The following INVS variants were observed in gnomAD, a reference collection of about 807,000 sequenced individuals.
INVS encodes inversin.
A neutral mutation model predicts 108.8 loss-of-function variants in INVS; 86 were observed. The observed-to-expected ratio is 0.79, with a 90% CI of 0.66 to 0.95. The LOEUF (loss-of-function observed/expected upper bound fraction) is 0.95, where lower values mean the gene tolerates loss of function less well. INVS is among the 40% of genes least tolerant of loss of function. INVS has a pLI of 0.00. For missense variants in INVS, 1,169 were observed against 1,297.4 expected (o/e 0.90, Z 1.52); for synonymous variants, 455 against 473.5 (o/e 0.96, Z 0.51).
intron 3 of INVS, among the ~76,000 whole-genome samples, chr9:100,181,943 G>A (rs1191803545): frequency 2.0e-5 from 3 of 152,020 alleles, no homozygotes; most frequent in African/African-American, 7.2e-5. Flanking sequence ...ACAGAATAGA[G>A]GCCTCAGAAA....
intron 2 of INVS, among the ~76,000 whole-genome samples, chr9:100,120,098 C>G (rs1475069860): frequency 1.3e-5 from 2 of 152,216 alleles, no homozygotes; most frequent in Admixed American, 1.3e-4. Flanking sequence ...ATTCATCTCA[C>G]TGACTTAGGT....
At chr9:100,298,473 T>C (rs1833855743) in intron 16 of INVS, 2 of 289,906 alleles carry the variant, frequency 6.9e-6, no homozygotes, top group Non-Finnish European at 1.0e-5. Context: ...CAGGGAACTT[T>C]CTTTTCAGCC....
intron 2 of INVS, among the ~76,000 whole-genome samples, chr9:100,106,583 A>C (rs1026674488): frequency 6.6e-6 from 1 of 152,198 alleles, no homozygotes; most frequent in Non-Finnish European, 1.5e-5. Flanking sequence ...AGATGGACCA[A>C]ACCTATCTTC....
At chr9:100,113,683 GA>G (rs2118849794) in intron 2 of INVS, among the ~76,000 whole-genome samples, 1 of 152,096 alleles carries the variant, frequency 6.6e-6, no homozygotes, top group Non-Finnish European at 1.5e-5. Context: ...ATGATCAAAT[GA>G]TGATATTTAG....
At chr9:100,176,635 C>A (rs149701717) in intron 3 of INVS, among the ~76,000 whole-genome samples, 5 of 152,182 alleles carry the variant, frequency 3.3e-5, no homozygotes, top group African/African-American at 9.6e-5. Context: ...TACCACCACA[C>A]CCAGCTATTT....
At chr9:100,100,673 T>TATATATATAATA (rs1826835322) in intron 1 of INVS, among the ~76,000 whole-genome samples, 1 of 19,356 alleles carries the variant, frequency 5.2e-5, no homozygotes, top group African/African-American at 4.5e-4. Context: ...ATTATATATG[T>TATATATATAATA]ACATATAATA....
chr9:100,227,239 C>A (rs1213810076), intron 4 of INVS, among the ~76,000 whole-genome samples: 2 of 152,158 alleles, frequency 1.3e-5, no homozygotes, highest in Non-Finnish European at 2.9e-5. Flanking sequence ...TTTTAAAAAT[C>A]TGCAGTTGTT....
chr9:100,300,210 T>C (rs891450469), intron 16 of INVS, among the ~76,000 whole-genome samples: 3 of 152,212 alleles, frequency 2.0e-5, no homozygotes, highest in Admixed American at 1.3e-4. Context: ...AGAACAACTA[T>C]TCAAAGTGTA....
intron 3 of INVS, among the ~76,000 whole-genome samples, chr9:100,161,199 A>T (rs753596290): frequency 1.6e-4 from 24 of 151,028 alleles, no homozygotes; most frequent in Non-Finnish European, 1.8e-4. Flanking sequence ...AACATGGTGA[A>T]ACTCTATCTG....
chr9:100,202,039 T>C (rs1830547331), intron 3 of INVS, among the ~76,000 whole-genome samples: 1 of 151,920 alleles, frequency 6.6e-6, no homozygotes, highest in African/African-American at 2.4e-5. Flanking sequence ...TTATAGAACA[T>C]TTCAGTTTCC....
At chr9:100,099,729 G>C (rs1401585711) in intron 1 of INVS, among the ~76,000 whole-genome samples, 1 of 152,156 alleles carries the variant, frequency 6.6e-6, no homozygotes, top group African/African-American at 2.4e-5. Context: ...TGCTGCTAAG[G>C]CGTGGATCGC....
At chr9:100,166,559 C>T (rs889803465) in intron 3 of INVS, among the ~76,000 whole-genome samples, 3 of 152,138 alleles carry the variant, frequency 2.0e-5, no homozygotes, top group African/African-American at 2.4e-5. Context: ...TGCTGCAAGG[C>T]GTAGCATTTT....
At chr9:100,256,829 C>T (rs193069022) in intron 10 of INVS, among the ~76,000 whole-genome samples, 1 of 151,840 alleles carries the variant, frequency 6.6e-6, no homozygotes, top group Non-Finnish European at 1.5e-5. Context: ...GAGTGCTTTA[C>T]TATGTTGTCA....
chr9:100,208,323 T>A (rs1000806325), intron 3 of INVS, among the ~76,000 whole-genome samples: 2 of 152,224 alleles, frequency 1.3e-5, no homozygotes, highest in Admixed American at 6.5e-5. Flanking sequence ...GGATAATAGT[T>A]ACTAAGTCAG....
chr9:100,118,296 C>T (rs1177560690), intron 2 of INVS, among the ~76,000 whole-genome samples: 1 of 151,830 alleles, frequency 6.6e-6, no homozygotes, highest in Non-Finnish European at 1.5e-5. Flanking sequence ...GCAACCTCCA[C>T]CTCCCGGGTT....
intron 12 of INVS, among the ~76,000 whole-genome samples, chr9:100,279,155 C>G (rs995736901): frequency 6.6e-6 from 1 of 151,970 alleles, no homozygotes; most frequent in African/African-American, 2.4e-5. Context: ...AAATGGAAGC[C>G]GGATTGAATA....
intron 10 of INVS, among the ~76,000 whole-genome samples, chr9:100,255,413 C>G (rs1438216764): frequency 1.3e-5 from 2 of 152,186 alleles, no homozygotes; most frequent in African/African-American, 2.4e-5. Context: ...ATTTCTTTCT[C>G]CTGCCTGATT....
At chr9:100,125,681 A>ATTT (rs68122542) in intron 2 of INVS, among the ~76,000 whole-genome samples, 1 of 99,016 alleles carries the variant, frequency 1.0e-5, no homozygotes, top group Non-Finnish European at 2.0e-5. Context: ...ATCAACTGTG[A>ATTT]TTTTTTTTTT....
chr9:100,247,978 T>C (rs941027666), intron 8 of INVS, among the ~76,000 whole-genome samples: 2 of 151,920 alleles, frequency 1.3e-5, no homozygotes, highest in South Asian at 4.2e-4. Context: ...CCAGCTAATT[T>C]TTTTTTCTTT....
Sources: gnomAD v4.1 joint callset for allele counts (sites outside exome capture counted in the v4.1 genomes callset) on GRCh38, gnomAD v4.1.1 for gene constraint, MANE v1.5 for transcripts, NCBI Gene and HGNC (gene_info 2026-07-23, HGNC 2026-07-21) for gene names.